The following TMEM129 variants were observed in gnomAD, a reference collection of about 807,000 sequenced individuals.
TMEM129 encodes E3 ubiquitin-protein ligase TM129.
Under a neutral mutation model 34.1 loss-of-function variants are expected in TMEM129, and 35 were observed. The ratio of observed to expected loss-of-function variants is 1.03; its 90% CI spans 0.78 to 1.36. TMEM129 has a LOEUF of 1.36. Among genes scored for constraint, TMEM129 ranks in the 40% most tolerant of loss-of-function variants. The pLI is 0.00. For synonymous variants in TMEM129, 239 were observed against 217.3 expected (o/e 1.10, Z -0.88); for missense variants, 504 against 512.6 (o/e 0.98, Z 0.16).
At chr4:1,718,683 C>A (rs1427501911) in intron 1 of TMEM129, 57 bp from the exon 2 acceptor site, 8 of 1,432,574 alleles carry the variant, frequency 5.6e-6, no homozygotes, top group Admixed American at 2.9e-5. Context: ...CTGTCCACCC[C>A]CCGACAGCCC....
Position 1,716,243 on chromosome 4 carries a change from G to C in TMEM129, c.*937C>G, listed in dbSNP as rs1454156128. 6.6e-6 allele frequency: 1 copy of C among 152,420 alleles called. No homozygotes were observed. The highest frequency in any genetic ancestry group is 1.5e-5 in the Non-Finnish European group (1 of 68,110). The allele number at this position is 152,420 out of a possible 1,614,324, so 9.4% of individuals were successfully genotyped here. ...GGGCTTTGGGGCCGCAGGTATGAAG[G>C]CCCCTCCAGTAGCCACACCTGTGTC... On this transcript the variant is annotated 3_prime_UTR_variant, in exon 4 of 4. Coordinates refer to ENST00000382936, the MANE Select transcript of TMEM129 (RefSeq NM_001127266.2).
In TMEM129 at chr4:1,718,541, C is replaced by G. The variant is rs1391585337; in HGVS notation, c.291G>C (p.Leu97=). ...SQAPEAWRLF[L]LLAVTLPSIA... is the part of the protein sequence containing the mutation. Reference sequence around the variant, plus strand: ...TGGAGGGGAGGGTCACGGCCAGCAGCAGGAAGAGCCGCCAGGCCTCAGGGG... The same window carrying G: ...TGGAGGGGAGGGTCACGGCCAGCAGGAGGAAGAGCCGCCAGGCCTCAGGGG... The change falls in exon 2 of 4, where the codon CTG becomes CTC. Residue 97 remains leucine (L), a synonymous_variant. Transcript: ENST00000382936. 6.6e-7 allele frequency: 1 copy of G among 1,510,632 alleles called. No individual in the cohort carries two copies. The highest frequency in any genetic ancestry group is 2.5e-5 in the East Asian group (1 of 40,418). 93.6% of individuals were successfully genotyped at this position (1,510,632 alleles called of 1,614,324 possible).
rs1186636557 is a variant in TMEM129 at position 1,720,923 on chromosome 4, T to TGCG, written c.-89_-87dup. On this transcript the variant is annotated 5_prime_UTR_variant, in exon 1 of 4. Coordinates refer to ENST00000382936, the MANE Select transcript of TMEM129 (RefSeq NM_001127266.2). The surrounding 1 kb of genome is among the most constrained non-coding windows in gnomAD (Gnocchi z 4.4). ...AGCGCCCAGTCCCGGACCTGTCGGT[T>TGCG]GCGGCGGCCGCCGCCCGGCCGCCCG... The TGCG allele has an allele frequency of 8.7e-7, 1 of 1,147,556 alleles. No individual in the cohort carries two copies. The highest frequency in any genetic ancestry group is 1.7e-5 in the African/African-American group (1 of 59,724). 71.1% of individuals were successfully genotyped at this position (1,147,556 alleles called of 1,614,324 possible).
chr4:1,718,119 C>T, intron 2 of TMEM129, 33 bp downstream of exon 2: 1 of 1,500,722 alleles, frequency 6.7e-7, no homozygotes, highest in South Asian at 1.3e-5. Context: ...CTGCCATGTG[C>T]CCTCCGCAGC....
Position 1,720,185 on chromosome 4 carries a change from C to A in TMEM129, c.205+448G>T, listed in dbSNP as rs958188188. On this transcript the variant is annotated intron_variant, in intron 1 of 3. Coordinates refer to ENST00000382936, the MANE Select transcript of TMEM129 (RefSeq NM_001127266.2). The surrounding 1 kb of genome is among the most constrained non-coding windows in gnomAD (Gnocchi z 4.4). ...CCAGCCTCTGCCCCTGTGGCGCCCC[C>A]AAACTGGAACTGCCTCCAAATCCGC... Among the ~76,000 whole-genome samples the A allele has an allele frequency of 6.6e-6, 1 of 152,192 alleles. No homozygotes were observed. Among genetic ancestry groups the A allele is most frequent in the African/African-American group, 2.4e-5 (1 of 41,454 alleles).
intron 2 of TMEM129, 65 bp downstream of exon 2, chr4:1,718,087 G>T: frequency 7.1e-7 from 1 of 1,414,518 alleles, no homozygotes; most frequent in Non-Finnish European, 9.5e-7. Flanking sequence ...CAGGGGTCGT[G>T]GCACCAGAGC....
intron 2 of TMEM129, 29 bp from the exon 3 acceptor site, chr4:1,717,704 C>G: frequency 6.8e-7 from 1 of 1,474,262 alleles, no homozygotes; most frequent in East Asian, 2.5e-5. Flanking sequence ...CTGGGCCCCT[C>G]TGCAGGGCAA....
chr4:1,717,421 T>C lies in TMEM129; in HGVS notation c.848A>G (p.Glu283Gly). Residue 283 changes from glutamate (E) to glycine (G), a missense_variant, in exon 4 of 4, where the codon GAG becomes GGG. Coordinates refer to ENST00000382936, the MANE Select transcript of TMEM129 (RefSeq NM_001127266.2). Reference protein sequence around the residue: ...AYSVPSSQELEACIGCMQTRA... With the variant: ...AYSVPSSQELGACIGCMQTRA... The stretch of plus-strand genomic sequence containing the variant: ...TGTCTGCATGCAGCCTATGCAGGCC[T>C]CCAGCTCCTGCGGGCAGGTGGAGCG... The C allele has an allele frequency of 6.6e-7, 1 of 1,515,588 alleles. No homozygotes were observed. The highest frequency in any genetic ancestry group is 1.7e-4 in the Middle Eastern group (1 of 5,730). 93.9% of individuals were successfully genotyped at this position (1,515,588 alleles called of 1,614,324 possible). A position where few individuals can be genotyped will look rare whatever the true frequency, so the allele number is the denominator to read the frequency against.
chr4:1,719,189 G>C (rs1219185027), intron 1 of TMEM129: 2 of 546,626 alleles, frequency 3.7e-6, no homozygotes, highest in African/African-American at 3.8e-5. Context: ...GGTTCCAGTT[G>C]GCAAAAAGTA....
In TMEM129 at chr4:1,720,010, T is replaced by G. The variant is rs978807102; in HGVS notation, c.205+623A>C. ...CAGAGGTACCCCCTTGAAATCCCCC[T>G]CCAGCCACTGCACACCCCACCTCCC... On this transcript the variant is annotated intron_variant, in intron 1 of 3. Transcript: ENST00000382936. This position sits in a 1 kb window ranked among gnomAD's most constrained non-coding sequence, Gnocchi z 4.4. 1.4e-5 allele frequency among the ~76,000 whole-genome samples: 2 copies of G among 143,650 alleles called. No homozygotes were observed. The highest frequency in any genetic ancestry group is 3.1e-5 in the Non-Finnish European group (2 of 65,460). The allele number at this position is 143,650 out of a possible 152,430, so 94.2% of individuals were successfully genotyped here. A position where few individuals can be genotyped will look rare whatever the true frequency, so the allele number is the denominator to read the frequency against.
intron 2 of TMEM129, 33 bp downstream of exon 2, chr4:1,718,119 C>A (rs1217512032): frequency 2.7e-6 from 4 of 1,500,600 alleles, no homozygotes; most frequent in Non-Finnish European, 3.6e-6. Flanking sequence ...CTGCCATGTG[C>A]CCTCCGCAGC....
chr4:1,720,167 C>G lies in TMEM129; in HGVS notation c.205+466G>C, dbSNP rs564229323. 6.6e-6 allele frequency among the ~76,000 whole-genome samples: 1 copy of G among 152,318 alleles called. No homozygotes were observed. The highest frequency in any genetic ancestry group is 1.9e-4 in the East Asian group (1 of 5,172). ...ACTGCACAGAGGCCCTCCCCAGCCT[C>G]TGCCCCTGTGGCGCCCCCAAACTGG... On this transcript the variant is annotated intron_variant, in intron 1 of 3. Transcript: ENST00000382936. The surrounding 1 kb of genome is among the most constrained non-coding windows in gnomAD (Gnocchi z 4.4).
intron 1 of TMEM129, among the ~76,000 whole-genome samples, chr4:1,719,806 C>T (rs781647508): frequency 2.6e-5 from 4 of 152,196 alleles, no homozygotes; most frequent in Non-Finnish European, 4.4e-5. Context: ...AGCCCACCCT[C>T]TCCATGAGGC....
Position 1,718,302 on chromosome 4 carries a change from T to G in TMEM129, c.530A>C (p.Tyr177Ser). Reference sequence around the variant, plus strand: ...CTGCTGCTGGGCCACGTGCACTCGGTAGGTGGTTACCTTCATCACCCACGT... The same window carrying G: ...CTGCTGCTGGGCCACGTGCACTCGGGAGGTGGTTACCTTCATCACCCACGT... The part of the protein sequence containing the change: ...TDTWVMKVTT[Y>S]RVHVAQQQDV... The change falls in exon 2 of 4, where the codon TAC becomes TCC. Residue 177 changes from tyrosine (Y) to serine (S), a missense_variant. By Grantham distance (144) the Tyr-to-Ser change is moderately radical. Transcript: ENST00000382936. The G allele has an allele frequency of 6.2e-7, 1 of 1,613,318 alleles. No individual in the cohort carries two copies. Among genetic ancestry groups the G allele is most frequent in the Non-Finnish European group, 8.5e-7 (1 of 1,179,872 alleles).
chr4:1,716,824 A>C lies in TMEM129; in HGVS notation c.*356T>G. ...GGGTATGCTCCAGAGAAGTAAGGCA[A>C]ATGGCCCAGATGACGACCACCTGGG... is the stretch of plus-strand genomic sequence containing the variant. On this transcript the variant is annotated 3_prime_UTR_variant, in exon 4 of 4. Coordinates refer to ENST00000382936, the MANE Select transcript of TMEM129 (RefSeq NM_001127266.2). The C allele has an allele frequency of 3.9e-6, 1 of 256,190 alleles. No homozygotes were observed. The allele number at this position is 256,190 out of a possible 1,614,324, so 15.9% of individuals were successfully genotyped here.
rs1577197619 is a variant in TMEM129 at position 1,718,865 on chromosome 4, GA to G, written c.206-240del. 9 of 1,388,170 alleles carry G rather than the reference GA, an allele frequency of 6.5e-6. No homozygotes were observed. The East Asian group carries it at 2.1e-4, about 32-fold the overall frequency. 86.0% of individuals were successfully genotyped at this position (1,388,170 alleles called of 1,614,324 possible). On this transcript the variant is annotated intron_variant, in intron 1 of 3. Transcript: ENST00000382936. ...TAGTTTCACACAATACGTAAGTGTTGAAAAAACTACAAAAGCCTAGAAAGGG... is the reference window on the plus strand; with the variant it reads ...TAGTTTCACACAATACGTAAGTGTTGAAAAACTACAAAAGCCTAGAAAGGG...
In TMEM129 at chr4:1,720,135, C is replaced by T. The variant is rs1717216272; in HGVS notation, c.205+498G>A. On this transcript the variant is annotated intron_variant, in intron 1 of 3. Transcript: ENST00000382936. This position sits in a 1 kb window ranked among gnomAD's most constrained non-coding sequence, Gnocchi z 4.4. ...CCCCCCTGGACAACTCTGAGCGTCCCACCTGCACTGCACAGAGGCCCTCCC... is the reference window on the plus strand; with the variant it reads ...CCCCCCTGGACAACTCTGAGCGTCCTACCTGCACTGCACAGAGGCCCTCCC... Among the ~76,000 whole-genome samples the T allele has an allele frequency of 6.6e-6, 1 of 152,172 alleles. No homozygotes were observed. The highest frequency in any genetic ancestry group is 2.1e-4 in the South Asian group (1 of 4,830).
chr4:1,718,267 G>T lies in TMEM129; in HGVS notation c.565C>A (p.Leu189Met). Residue 189 changes from leucine to methionine, a missense_variant, in exon 2 of 4, where the codon CTG becomes ATG. Transcript: ENST00000382936. Reference protein sequence around the residue: ...VHVAQQQDVHLTVTESRQHEL... With the variant: ...VHVAQQQDVHMTVTESRQHEL... ...TGCTGCCGAGACTCCGTCACAGTCA[G>T]GTGCACGTCCTGCTGCTGGGCCACG... The T allele has an allele frequency of 6.2e-7, 1 of 1,611,816 alleles. No homozygotes were observed. The highest frequency in any genetic ancestry group is 1.1e-5 in the South Asian group (1 of 90,586).
At chr4:1,718,067 C>T (rs1717064937) in intron 2 of TMEM129, 85 bp downstream of exon 2, 2 of 1,288,716 alleles carry the variant, frequency 1.6e-6, no homozygotes, top group Non-Finnish European at 2.1e-6. Context: ...CAGCTACACC[C>T]AGCACCTCCC....
Sources: gnomAD v4.1 joint callset for allele counts (sites outside exome capture counted in the v4.1 genomes callset) on GRCh38, gnomAD v4.1.1 for gene constraint, Gnocchi (gnomAD v3.1) non-coding constraint, MANE v1.5 for transcripts, NCBI Gene and HGNC (gene_info 2026-07-23, HGNC 2026-07-21) for gene names.